PMVK: variants seen among roughly 807,000 people sequenced by gnomAD.
PMVK encodes phosphomevalonate kinase.
A neutral mutation model predicts 19.0 loss-of-function variants in PMVK; 10 were observed. The observed-to-expected ratio is 0.53, with a 90% CI of 0.32 to 0.89. The LOEUF (loss-of-function observed/expected upper bound fraction) is 0.89. Among genes scored for constraint, PMVK ranks in the 40% least tolerant of loss-of-function variants. The probability of loss-of-function intolerance (pLI) is 0.03; values close to 1 mark genes in which losing one functional copy is unlikely to be tolerated. For synonymous variants in PMVK, 108 were observed against 101.6 expected, an observed-to-expected ratio of 1.06 and a Z score of -0.38; for missense variants, 222 against 251.1, an observed-to-expected ratio of 0.88 and a Z score of 0.78.
chr1:154,937,137 T>C (rs1383680617), upstream of PMVK: 4 of 166,866 alleles, frequency 2.4e-5, no homozygotes, highest in African/African-American at 9.5e-5. Context: ...AAAAAATCTC[T>C]GGAGTGAGAT....
chr1:154,936,750 G>T, upstream of PMVK: 1 of 1,374,936 alleles, frequency 7.3e-7, no homozygotes, highest in Non-Finnish European at 1.0e-6. Flanking sequence ...TCGGGACACC[G>T]CGCGGAATGG....
At chr1:154,939,125 C>T (rs1318588742), upstream of PMVK, among the ~76,000 whole-genome samples, 2 of 152,174 alleles carry the variant, frequency 1.3e-5, no homozygotes, top group East Asian at 1.9e-4. Flanking sequence ...GCCCATCCAA[C>T]ACCCCGCTGC....
chr1:154,933,972 G>A (rs1235687672), intron 1 of PMVK, among the ~76,000 whole-genome samples: 5 of 152,082 alleles, frequency 3.3e-5, no homozygotes, highest in African/African-American at 9.7e-5. Flanking sequence ...CTAGCCTTGA[G>A]ATGCTCACAA....
At chr1:154,934,975 T>C (rs941905853) in intron 1 of PMVK, among the ~76,000 whole-genome samples, 1 of 140,110 alleles carries the variant, frequency 7.1e-6, no homozygotes, top group Admixed American at 7.7e-5. Flanking sequence ...GACAGGAAAA[T>C]CGCTTGAACC....
At chr1:154,926,564 G>A in intron 3 of PMVK, 81 bp from the exon 4 acceptor site, 3 of 1,317,114 alleles carry the variant, frequency 2.3e-6, no homozygotes, top group Admixed American at 3.8e-5. Flanking sequence ...AGAACCCAGG[G>A]CAGTGTGGGG....
rs1290602503 is a variant in PMVK at position 154,926,480 on chromosome 1, C to A, written c.316G>T (p.Val106Leu). 5 of 1,613,524 alleles carry A rather than the reference C, an allele frequency of 3.1e-6. No individual in the cohort carries two copies. Among genetic ancestry groups the A allele is most frequent in the Non-Finnish European group, 4.2e-6 (5 of 1,179,736 alleles). The change falls in exon 4 of 5, where the codon GTG becomes TTG. Residue 106 changes from valine (V) to leucine (L), a missense_variant. Transcript: ENST00000368467. Reference protein sequence around the residue: ...VEGISQPIWLVSDTRRVSDIQ... With the variant: ...VEGISQPIWLLSDTRRVSDIQ... ...TCAGACACTCTCCGTGTGTCACTCA[C>A]CAGCTGCAGGAGAGGGACAGACAGG...
At chr1:154,934,206 T>G (rs1401994004) in intron 1 of PMVK, among the ~76,000 whole-genome samples, 2 of 152,002 alleles carry the variant, frequency 1.3e-5, no homozygotes, top group East Asian at 3.9e-4. Flanking sequence ...ACCATGTTGG[T>G]CAGGCTGGTC....
intron 1 of PMVK, among the ~76,000 whole-genome samples, chr1:154,934,361 G>A (rs935032682): frequency 1.3e-5 from 2 of 152,104 alleles, no homozygotes; most frequent in East Asian, 3.9e-4. Context: ...CTGTCACCCA[G>A]GCTAGAGTGC....
At chr1:154,926,238 G>C in intron 4 of PMVK, 116 bp downstream of exon 4, 1 of 938,880 alleles carries the variant, frequency 1.1e-6, no homozygotes. Context: ...CCCTAATCAG[G>C]AGGCCTCAGA....
upstream of PMVK, chr1:154,936,764 C>T (rs554438868): frequency 3.1e-6 from 4 of 1,288,128 alleles, no homozygotes; most frequent in Admixed American, 8.0e-5. Context: ...GGAATGGACG[C>T]GGCCACTAAG....
upstream of PMVK, chr1:154,936,780 C>A (rs113672454): frequency 8.5e-7 from 1 of 1,169,740 alleles, no homozygotes; most frequent in Non-Finnish European, 1.2e-6. Flanking sequence ...CTAAGCGGAG[C>A]GGCAACAAGG....
chr1:154,939,288 C>T (rs1654592056), upstream of PMVK, among the ~76,000 whole-genome samples: 1 of 152,174 alleles, frequency 6.6e-6, no homozygotes, highest in East Asian at 1.9e-4. Context: ...AGGTCACTTG[C>T]TCAAATACTC....
chr1:154,931,511 T>C (rs1472457227), intron 2 of PMVK, among the ~76,000 whole-genome samples: 9 of 152,196 alleles, frequency 5.9e-5, no homozygotes, highest in Admixed American at 3.3e-4. Context: ...CGAAAATCTC[T>C]CTCTCACCCT....
chr1:154,929,677 C>G (rs1484732530), intron 2 of PMVK, among the ~76,000 whole-genome samples: 3 of 151,996 alleles, frequency 2.0e-5, no homozygotes, highest in Admixed American at 2.0e-4. Context: ...GGCGCCTTTG[C>G]TGAAACAGCA....
chr1:154,936,641 G>A lies in PMVK; in HGVS notation c.45C>T (p.Ser15=), dbSNP rs1247512896. Residue 15 remains serine (S), a synonymous_variant, in exon 1 of 5, where the codon AGC becomes AGT. Coordinates refer to ENST00000368467, the MANE Select transcript of PMVK (RefSeq NM_006556.4). Reference sequence around the variant, plus strand: ...AGTCCTTCCCGGATTTCCTCTTGCCGCTGAACAGCAGTACCAGCCGCGGGG... The same window carrying A: ...AGTCCTTCCCGGATTTCCTCTTGCCACTGAACAGCAGTACCAGCCGCGGGG... ...GGAPRLVLLF[S]GKRKSGKDFV... The A allele has an allele frequency of 1.2e-6, 2 of 1,609,514 alleles. No individual in the cohort carries two copies. The highest frequency in any genetic ancestry group is 1.7e-5 in the Admixed American group (1 of 59,438).
intron 1 of PMVK, 70 bp from the exon 2 acceptor site, chr1:154,932,485 G>A (rs1162753688): frequency 1.9e-6 from 2 of 1,073,460 alleles, no homozygotes; most frequent in Non-Finnish European, 2.7e-6. Context: ...CAGAAAGGGA[G>A]TCAAGAGGCC....
At chr1:154,931,856 T>A (rs11264288) in intron 2 of PMVK, among the ~76,000 whole-genome samples, 25 of 151,836 alleles carry the variant, frequency 1.6e-4, no homozygotes, top group South Asian at 4.1e-4. Flanking sequence ...TTAAAAAAAA[T>A]TTTTTTTAAA....
chr1:154,939,984 C>G (rs973219924), upstream of PMVK, among the ~76,000 whole-genome samples: 1 of 151,736 alleles, frequency 6.6e-6, no homozygotes, highest in African/African-American at 2.4e-5. Context: ...GCTATGTTTC[C>G]CAGGCTGGTC....
At chr1:154,939,521 T>C (rs1309566941), upstream of PMVK, among the ~76,000 whole-genome samples, 1 of 141,754 alleles carries the variant, frequency 7.1e-6, no homozygotes, top group Non-Finnish European at 1.6e-5. Flanking sequence ...CCATTTCTAC[T>C]AAAAATACAA....
Sources: gnomAD v4.1 joint callset for allele counts (sites outside exome capture counted in the v4.1 genomes callset) on GRCh38, gnomAD v4.1.1 for gene constraint, MANE v1.5 for transcripts, NCBI Gene and HGNC (gene_info 2026-07-23, HGNC 2026-07-21) for gene names.